The following PILRA variants were observed in gnomAD, a reference collection of about 807,000 sequenced individuals.
The protein encoded by PILRA is paired immunoglobin like type 2 receptor alpha.
PILRA carries 37 observed loss-of-function variants against 33.1 expected under a neutral mutation model. The observed-to-expected ratio is 1.12, with a 90% confidence interval of 0.86 to 1.47. The LOEUF (loss-of-function observed/expected upper bound fraction) is 1.47. PILRA is among the 40% of genes most tolerant of loss of function. PILRA has a pLI of 0.00. For missense variants in PILRA, 312 were observed against 376.2 expected, an observed-to-expected ratio of 0.83 and a Z score of 1.41; for synonymous variants, 146 against 149.9, an observed-to-expected ratio of 0.97 and a Z score of 0.19.
At chr7:100,399,265 T>C in intron 4 of PILRA, 26 bp from the exon 5 acceptor site, 4 of 1,585,558 alleles carry the variant, frequency 2.5e-6, no homozygotes, top group Middle Eastern at 1.7e-4. Context: ...CTCTAACATA[T>C]TTCCTGTCCT....
chr7:100,391,471 G>A (rs1175226293), intron 3 of PILRA, among the ~76,000 whole-genome samples: 2 of 152,118 alleles, frequency 1.3e-5, no homozygotes, highest in Admixed American at 6.6e-5. Context: ...AGAATCTCTT[G>A]AGCCAAGGAG....
In PILRA at chr7:100,383,630, CT is replaced by C. The variant is rs753345687; in HGVS notation, c.455-6243del. On this transcript the variant is annotated intron_variant, in intron 2 of 6. Transcript: ENST00000198536. Reference sequence around the variant, plus strand: ...CAGGAGTGCTGAGATCTGACTCACACTTTTTTTTTTTTTTTAATTTTTTTGT... The same window carrying C: ...CAGGAGTGCTGAGATCTGACTCACACTTTTTTTTTTTTTTAATTTTTTTGT... Among the ~76,000 whole-genome samples the C allele has an allele frequency of 7.5e-3, 1,075 of 143,056 alleles. 4 individuals carry two copies. The highest frequency in any genetic ancestry group is 0.017 in the African/African-American group (676 of 39,240). 93.9% of individuals were successfully genotyped at this position (143,056 alleles called of 152,430 possible).
intron 3 of PILRA, among the ~76,000 whole-genome samples, chr7:100,397,628 A>G (rs1211454546): frequency 6.6e-6 from 1 of 152,030 alleles, no homozygotes; most frequent in African/African-American, 2.4e-5. Flanking sequence ...AGAGCTCAAG[A>G]GAGAAAGAAA....
chr7:100,386,560 C>T (rs1014939926), intron 2 of PILRA, among the ~76,000 whole-genome samples: 19 of 152,096 alleles, frequency 1.2e-4, no homozygotes, highest in South Asian at 6.2e-4. Context: ...CTCTGTTGCC[C>T]AGACTGGAGT....
chr7:100,385,864 A>C (rs1308562690), intron 2 of PILRA, among the ~76,000 whole-genome samples: 1 of 150,828 alleles, frequency 6.6e-6, no homozygotes, highest in Admixed American at 6.6e-5. Flanking sequence ...CCTGACCTTA[A>C]GTGACCCACC....
At chr7:100,394,633 A>G (rs1413376148) in intron 3 of PILRA, among the ~76,000 whole-genome samples, 1 of 151,894 alleles carries the variant, frequency 6.6e-6, no homozygotes, top group Non-Finnish European at 1.5e-5. Flanking sequence ...TGAATTGAAA[A>G]AAAATAGATT....
Position 100,374,381 on chromosome 7 carries a change from A to G in PILRA, c.402A>G (p.Ser134=). The change falls in exon 2 of 7, where the codon TCA becomes TCG. Residue 134 remains serine (S), a synonymous_variant. Coordinates refer to ENST00000198536, the MANE Select transcript of PILRA (RefSeq NM_013439.3). The part of the protein sequence containing the change: ...FCRVELDTRS[S]GRQQWQSIEG... ...GAGTTGAGCTGGACACACGGAGCTCAGGGAGGCAGCAGTGGCAGTCCATCG... is the reference window on the plus strand; with the variant it reads ...GAGTTGAGCTGGACACACGGAGCTCGGGGAGGCAGCAGTGGCAGTCCATCG... 1 of 1,614,102 alleles carries G rather than the reference A, an allele frequency of 6.2e-7. No individual in the cohort carries two copies. Among genetic ancestry groups the G allele is most frequent in the South Asian group, 1.1e-5 (1 of 91,086 alleles).
chr7:100,373,749 G>A, intron 1 of PILRA, 29 bp downstream of exon 1: 2 of 1,611,822 alleles, frequency 1.2e-6, no homozygotes, highest in Non-Finnish European at 8.5e-7. Context: ...CCAGATGTGG[G>A]CTCTGCCCAA....
At chr7:100,397,162 G>A (rs11771241) in intron 3 of PILRA, among the ~76,000 whole-genome samples, 24,952 of 149,610 alleles carry the variant, frequency 0.17, 2,253 homozygotes, top group Non-Finnish European at 0.19. Flanking sequence ...AAGTGGAAGG[G>A]GAGGTCCCTG....
upstream of PILRA, among the ~76,000 whole-genome samples, chr7:100,371,651 A>G (rs1028492897): frequency 1.3e-5 from 2 of 152,158 alleles, no homozygotes; most frequent in Non-Finnish European, 2.9e-5. Flanking sequence ...GAGCACCTGC[A>G]CTAAGGGGCT....
chr7:100,390,317 T>G (rs1025728152), intron 3 of PILRA, among the ~76,000 whole-genome samples: 2 of 152,094 alleles, frequency 1.3e-5, no homozygotes, highest in Non-Finnish European at 2.9e-5. Context: ...CCCACAGCCC[T>G]TTTCACACAG....
rs368161926 is a variant in PILRA, at chr7:100,399,932, G to C, written c.*25G>C. On this transcript the variant is annotated 3_prime_UTR_variant, in exon 7 of 7. Coordinates refer to ENST00000198536, the MANE Select transcript of PILRA (RefSeq NM_013439.3). ...ACCAATGGACAGCCCTCTCAAGACT[G>C]AATGGTGAGGCCAGGTACAGTGGCG... 7.0e-6 allele frequency: 11 copies of C among 1,573,348 alleles called. No individual in the cohort carries two copies. In the African/African-American group the frequency reaches 1.4e-4, roughly 19 times the overall value.
chr7:100,373,571 C>T lies in PILRA; in HGVS notation c.-86C>T. On this transcript the variant is annotated 5_prime_UTR_variant, in exon 1 of 7. Coordinates refer to ENST00000198536, the MANE Select transcript of PILRA (RefSeq NM_013439.3). ...TGAGCCCGGCTCTCCTCACTCACCTCAACCCCCAGGCGGCCCCTCCACAGG... is the reference window on the plus strand; with the variant it reads ...TGAGCCCGGCTCTCCTCACTCACCTTAACCCCCAGGCGGCCCCTCCACAGG... The T allele has an allele frequency of 6.6e-7, 1 of 1,505,042 alleles. No homozygotes were observed. The allele number at this position is 1,505,042 out of a possible 1,614,324, so 93.2% of individuals were successfully genotyped here.
At chr7:100,374,496 G>A (rs1563114728) in intron 2 of PILRA, 63 bp downstream of exon 2, 2 of 1,598,366 alleles carry the variant, frequency 1.3e-6, no homozygotes, top group Middle Eastern at 1.7e-4. Context: ...GATCACTGGT[G>A]ACATCGTCCC....
upstream of PILRA, among the ~76,000 whole-genome samples, chr7:100,373,156 C>T (rs574571775): frequency 4.6e-5 from 7 of 152,228 alleles, no homozygotes; most frequent in East Asian, 1.9e-4. Context: ...TGACCTCCAC[C>T]GGCTTCCTTC....
At chr7:100,396,241 T>A (rs1048126000) in intron 3 of PILRA, among the ~76,000 whole-genome samples, 2 of 152,234 alleles carry the variant, frequency 1.3e-5, no homozygotes, top group Non-Finnish European at 2.9e-5. Context: ...TACACCCATG[T>A]TGATAGCAAC....
In PILRA at chr7:100,396,711, A is replaced by T. The variant is rs562364344; in HGVS notation, c.674-1168A>T. Among the ~76,000 whole-genome samples, 18 of 152,322 alleles carry T rather than the reference A, an allele frequency of 1.2e-4. No homozygotes were observed. In the South Asian group the frequency reaches 3.1e-3, roughly 26 times the overall value. ...ACTACAGTATAAACGAAACTGGAAG[A>T]CATCAAGCTAGGTGAAATAAGGCAG... On this transcript the variant is annotated intron_variant, in intron 3 of 6. Coordinates refer to ENST00000198536, the MANE Select transcript of PILRA (RefSeq NM_013439.3).
intron 2 of PILRA, chr7:100,376,482 G>GTTTTTTTTT (rs386410819): frequency 1.7e-5 from 2 of 118,072 alleles, no homozygotes; most frequent in Admixed American, 9.0e-5. Context: ...AGAAAAAAGT[G>GTTTTTTTTT]TTTTTTTTTT....
chr7:100,372,249 G>A (rs551745678), upstream of PILRA, among the ~76,000 whole-genome samples: 5 of 152,058 alleles, frequency 3.3e-5, no homozygotes, highest in Non-Finnish European at 5.9e-5. Flanking sequence ...TGGCTCAGAC[G>A]GAGGGGTTTC....
Sources: allele counts gnomAD v4.1 joint callset (sites outside exome capture counted in the v4.1 genomes callset), GRCh38; gene constraint gnomAD v4.1.1; transcripts MANE v1.5; gene names NCBI Gene and HGNC (gene_info 2026-07-23, HGNC 2026-07-21).